The following CR1 variants were observed in gnomAD, a reference collection of about 807,000 sequenced individuals.
The protein encoded by CR1 is complement receptor type 1.
CR1 carries 116 observed loss-of-function variants against 187.3 expected under a neutral mutation model. The observed-to-expected ratio is 0.62, with a 90% CI of 0.53 to 0.72. The LOEUF (loss-of-function observed/expected upper bound fraction) is 0.72. Among genes scored for constraint, CR1 ranks in the 30% least tolerant of loss-of-function variants. The pLI, the probability that CR1 is intolerant of heterozygous loss-of-function variation, is 0.00. For synonymous variants in CR1, 576 were observed against 747.1 expected, an observed-to-expected ratio of 0.77 and a Z score of 3.73; for missense variants, 1,731 against 2,110.7, an observed-to-expected ratio of 0.82 and a Z score of 3.52.
chr1:207,632,729 C>T (rs1259965873), intron 46 of CR1, among the ~76,000 whole-genome samples: 2 of 136,050 alleles, frequency 1.5e-5, no homozygotes, highest in South Asian at 2.4e-4. Context: ...GCCCGGGAGG[C>T]GGAGCTTGCA....
intron 1 of CR1, among the ~76,000 whole-genome samples, chr1:207,505,501 A>G (rs1455723359): frequency 2.0e-5 from 3 of 152,036 alleles, no homozygotes; most frequent in Admixed American, 6.5e-5. Flanking sequence ...TTCTTTTTTG[A>G]TCACATCTAT....
chr1:207,606,703 A>T (rs1408079), intron 35 of CR1: 57,081 of 152,116 alleles, frequency 0.38, 15,448 homozygotes, highest in African/African-American at 0.76. Context: ...GATGGCTTTA[A>T]GGTAAAGTGG....
intron 46 of CR1, among the ~76,000 whole-genome samples, chr1:207,635,756 T>G (rs1662793978): frequency 1.3e-5 from 2 of 152,310 alleles, no homozygotes; most frequent in Admixed American, 1.3e-4. Context: ...ATACCTGGAT[T>G]TCCTAGACAG....
At chr1:207,512,551 C>T (rs1471565342) in intron 4 of CR1, among the ~76,000 whole-genome samples, 1 of 152,200 alleles carries the variant, frequency 6.6e-6, no homozygotes, top group African/African-American at 2.4e-5. Context: ...TTACTCTTCT[C>T]TTTGGATAAC....
At chr1:207,582,739 T>G (rs1219985993) in intron 32 of CR1, among the ~76,000 whole-genome samples, 1 of 152,050 alleles carries the variant, frequency 6.6e-6, no homozygotes, top group Admixed American at 6.6e-5. Context: ...TGGATATATT[T>G]TGAAGGTGCA....
At chr1:207,570,230 A>G (rs2102329448) in intron 27 of CR1, 1 of 374,280 alleles carries the variant, frequency 2.7e-6, no homozygotes, top group East Asian at 5.4e-5. Context: ...AACAACCCTA[A>G]CCCAGAGTAG....
chr1:207,496,462 A>G (rs941148190), intron 1 of CR1, 74 bp downstream of exon 1: 2 of 1,461,330 alleles, frequency 1.4e-6, no homozygotes, highest in South Asian at 1.3e-5. Context: ...ACTCGCGTGC[A>G]GCGCTGAGCT....
intron 25 of CR1, 117 bp downstream of exon 25, chr1:207,568,159 T>G: frequency 6.4e-7 from 1 of 1,562,022 alleles, no homozygotes; most frequent in Non-Finnish European, 8.7e-7. Context: ...CACAATGGAA[T>G]GCCAAACCAA....
chr1:207,600,714 T>G (rs573505221), intron 35 of CR1: 1 of 152,250 alleles, frequency 6.6e-6, no homozygotes, highest in South Asian at 2.1e-4. Context: ...ACTTAGTCTT[T>G]AAAAGACCCT....
chr1:207,615,091 G>A (rs1222634014), intron 40 of CR1, among the ~76,000 whole-genome samples: 2 of 152,118 alleles, frequency 1.3e-5, no homozygotes, highest in Admixed American at 6.6e-5. Flanking sequence ...TTACAAGTGC[G>A]AGCCACCATG....
chr1:207,575,826 C>T (rs1393938114), intron 28 of CR1, 146 bp downstream of exon 28: 1 of 1,331,694 alleles, frequency 7.5e-7, no homozygotes, highest in Non-Finnish European at 1.1e-6. Flanking sequence ...AAATGGCTCA[C>T]AGCATTCCAA....
intron 33 of CR1, among the ~76,000 whole-genome samples, chr1:207,585,782 T>C (rs1253364458): frequency 6.6e-6 from 1 of 152,150 alleles, no homozygotes; most frequent in Non-Finnish European, 1.5e-5. Context: ...GCAGGCTTAA[T>C]GAACAGATGG....
intron 41 of CR1, among the ~76,000 whole-genome samples, chr1:207,617,612 T>TAGAG (rs1156448710): frequency 9.1e-5 from 2 of 22,086 alleles, no homozygotes; most frequent in Non-Finnish European, 1.7e-4. Flanking sequence ...TATATATATA[T>TAGAG]AGAGAGAGAG....
intron 43 of CR1, 89 bp downstream of exon 43, chr1:207,620,154 GT>G: frequency 1.5e-6 from 2 of 1,313,712 alleles, no homozygotes; most frequent in Non-Finnish European, 2.1e-6. Flanking sequence ...GTAGTGTGAT[GT>G]TTATGGCATA....
At chr1:207,629,182 C>T (rs999419370) in intron 45 of CR1, among the ~76,000 whole-genome samples, 1 of 152,148 alleles carries the variant, frequency 6.6e-6, no homozygotes, top group African/African-American at 2.4e-5. Context: ...GTACCCACTC[C>T]CATTTCTACA....
intron 1 of CR1, among the ~76,000 whole-genome samples, chr1:207,502,989 A>C (rs1659319537): frequency 2.0e-5 from 3 of 152,210 alleles, no homozygotes; most frequent in African/African-American, 4.8e-5. Flanking sequence ...ATTCCAAGCT[A>C]GTTCTGCAAA....
At position 207,609,438 on chromosome 1, in the gene CR1, A is replaced by G. The variant is rs1280252409; in HGVS notation, c.6045A>G (p.Ser2015=). 19 of 1,613,910 alleles carry G rather than the reference A, an allele frequency of 1.2e-5. No homozygotes were observed. The highest frequency in any genetic ancestry group is 1.7e-5 in the Admixed American group (1 of 60,002). ...EQLFELVGER[S]IYCTSKDDQV... ...TGTTTGAGCTTGTGGGAGAACGGTC[A>G]ATATATTGCACCAGCAAAGATGATC... Residue 2015 remains serine, a synonymous_variant, in exon 37 of 47, where the codon TCA becomes TCG. Coordinates refer to ENST00000367049, the MANE Select transcript of CR1 (RefSeq NM_000651.6).
intron 4 of CR1, among the ~76,000 whole-genome samples, chr1:207,515,701 T>C (rs1262652465): frequency 6.6e-6 from 1 of 152,194 alleles, no homozygotes; most frequent in African/African-American, 2.4e-5. Context: ...GAAGTGCTAT[T>C]CCAAACTTTT....
Position 207,578,144 on chromosome 1 carries a change from G to GCA in CR1, c.4878_4879insAC (p.Arg1627ThrfsTer3), listed in dbSNP as rs1558243116. On this transcript the variant is annotated frameshift_variant, in exon 29 of 47. Coordinates refer to ENST00000367049, the MANE Select transcript of CR1 (RefSeq NM_000651.6). LOFTEE classifies it high-confidence loss of function. Reference sequence around the variant, plus strand: ...CCTGGCTTTGTCATGAAAGGACCCCGCCGTGTGAAGTGCCAGGCCCTGAAC... The same window carrying GCA: ...CCTGGCTTTGTCATGAAAGGACCCCGCACCGTGTGAAGTGCCAGGCCCTGAAC... The GCA allele has an allele frequency of 6.2e-7, 1 of 1,611,688 alleles. No individual in the cohort carries two copies. Among genetic ancestry groups the GCA allele is most frequent in the Non-Finnish European group, 8.5e-7 (1 of 1,179,730 alleles).
Sources: gnomAD v4.1 joint callset for allele counts (sites outside exome capture counted in the v4.1 genomes callset) on GRCh38, gnomAD v4.1.1 for gene constraint, MANE v1.5 for transcripts, NCBI Gene and HGNC (gene_info 2026-07-23, HGNC 2026-07-21) for gene names.